The following EPHA3 variants were observed in gnomAD, a reference collection of about 807,000 sequenced individuals.
EPHA3 encodes EPH receptor A3.
Under a neutral mutation model 107.1 loss-of-function variants are expected in EPHA3, and 42 were observed. The ratio of observed to expected loss-of-function variants is 0.39; its 90% CI spans 0.31 to 0.51. EPHA3 has a LOEUF of 0.51. Ranked by LOEUF, EPHA3 falls within the 20% of genes least tolerant of loss-of-function variation. The probability of loss-of-function intolerance (pLI) is 0.78; values close to 1 mark genes in which losing one functional copy is unlikely to be tolerated. For missense variants in EPHA3, 1,183 were observed against 1,211.2 expected (o/e 0.98, Z 0.35); for synonymous variants, 461 against 424.8 (o/e 1.09, Z -1.05).
chr3:89,127,497 T>G (rs1353715496), intron 2 of EPHA3, among the ~76,000 whole-genome samples: 2 of 151,996 alleles, frequency 1.3e-5, no homozygotes, highest in Non-Finnish European at 2.9e-5. Flanking sequence ...ATTGCTTGAA[T>G]GGACTGATTA....
At chr3:89,208,399 A>AAAGGAAGGAAGGAAGGAAGGAAGG (rs11272670) in intron 2 of EPHA3, among the ~76,000 whole-genome samples, 339 of 26,820 alleles carry the variant, frequency 0.013, 84 homozygotes, top group African/African-American at 0.023. Context: ...GAAAGAAAGA[A>AAAGGAAGGAAGGAAGGAAGGAAGG]AAGGAAGGAA....
In EPHA3 at chr3:89,211,751, T is replaced by C. The variant is rs1418355022; in HGVS notation, c.814+1231T>C. Among the ~76,000 whole-genome samples the C allele has an allele frequency of 1.0e-4, 6 of 59,784 alleles. 1 individual carries two copies. In the South Asian group the frequency reaches 3.9e-3, roughly 39 times the overall value. The allele number at this position is 59,784 out of a possible 152,430, so 39.2% of individuals were successfully genotyped here. ...TTCTTCTTCTTCTTCTCCTTCTTCT[T>C]CTTCTTCTTCTTCTTCTTCTTCTTC... On this transcript the variant is annotated intron_variant, in intron 3 of 16. Transcript: ENST00000336596.
At chr3:89,259,533 G>C (rs1205874362) in intron 3 of EPHA3, among the ~76,000 whole-genome samples, 1 of 152,172 alleles carries the variant, frequency 6.6e-6, no homozygotes. Flanking sequence ...CATATTTCAA[G>C]AGAATACTGT....
intron 3 of EPHA3, among the ~76,000 whole-genome samples, chr3:89,224,883 A>AT (rs1296099245): frequency 1.3e-5 from 2 of 151,754 alleles, no homozygotes; most frequent in Non-Finnish European, 2.9e-5. Context: ...ATAAATAATA[A>AT]TAAAAAAATA....
intron 7 of EPHA3, among the ~76,000 whole-genome samples, chr3:89,404,514 A>C (rs538454862): frequency 2.6e-5 from 4 of 152,338 alleles, no homozygotes; most frequent in Non-Finnish European, 5.9e-5. Context: ...GGAAATGAAT[A>C]GAAACAGAGG....
intron 2 of EPHA3, among the ~76,000 whole-genome samples, chr3:89,181,929 G>T (rs1559588885): frequency 1.3e-5 from 2 of 151,836 alleles, no homozygotes; most frequent in Admixed American, 6.6e-5. Flanking sequence ...CGCTGGGAAG[G>T]TTGATGAAAT....
At chr3:89,155,151 A>G (rs1414587630) in intron 2 of EPHA3, among the ~76,000 whole-genome samples, 1 of 151,688 alleles carries the variant, frequency 6.6e-6, no homozygotes, top group African/African-American at 2.4e-5. Context: ...GAGTTAATAG[A>G]CTCAGAAGTG....
chr3:89,343,439 A>T (rs971635246), intron 5 of EPHA3, among the ~76,000 whole-genome samples: 1 of 152,106 alleles, frequency 6.6e-6, no homozygotes, highest in African/African-American at 2.4e-5. Flanking sequence ...TAGTCCCCTA[A>T]GCTCAGTATG....
chr3:89,339,593 C>T (rs915565249), intron 3 of EPHA3, among the ~76,000 whole-genome samples: 1 of 151,986 alleles, frequency 6.6e-6, no homozygotes, highest in African/African-American at 2.4e-5. Flanking sequence ...AGTGTATTTC[C>T]CTTGTCTTAT....
chr3:89,354,900 A>C (rs1707910996), intron 5 of EPHA3, among the ~76,000 whole-genome samples: 2 of 151,148 alleles, frequency 1.3e-5, no homozygotes, highest in African/African-American at 4.8e-5. Flanking sequence ...CTGAAGAAAG[A>C]AATATATAAA....
chr3:89,111,808 C>T (rs758457220), intron 1 of EPHA3, among the ~76,000 whole-genome samples: 1 of 152,092 alleles, frequency 6.6e-6, no homozygotes, highest in East Asian at 1.9e-4. Context: ...AAAAGGTTCA[C>T]TCGGATACCT....
chr3:89,271,548 AT>A (rs1705669066), intron 3 of EPHA3, among the ~76,000 whole-genome samples: 1 of 151,946 alleles, frequency 6.6e-6, no homozygotes, highest in African/African-American at 2.4e-5. Flanking sequence ...CTGGCTTTAT[AT>A]TCAAGTCTTC....
At chr3:89,350,688 G>A (rs9755377) in intron 5 of EPHA3, among the ~76,000 whole-genome samples, 1,667 of 150,884 alleles carry the variant, frequency 0.011, 32 homozygotes, top group African/African-American at 0.038. Context: ...AGGAGGAGAG[G>A]CGCTCTGCGT....
At chr3:89,168,183 T>C (rs1193363521) in intron 2 of EPHA3, among the ~76,000 whole-genome samples, 1 of 152,156 alleles carries the variant, frequency 6.6e-6, no homozygotes, top group Non-Finnish European at 1.5e-5. Context: ...ATAACTGCTA[T>C]TTTTGGCTTG....
chr3:89,165,559 T>C (rs529440928), intron 2 of EPHA3, among the ~76,000 whole-genome samples: 2 of 152,332 alleles, frequency 1.3e-5, no homozygotes, highest in East Asian at 3.9e-4. Context: ...CATCTCCATA[T>C]TGTAGTCAAA....
chr3:89,248,404 A>G (rs1241249151), intron 3 of EPHA3, among the ~76,000 whole-genome samples: 1 of 152,100 alleles, frequency 6.6e-6, no homozygotes, highest in Non-Finnish European at 1.5e-5. Context: ...AATCCCCACA[A>G]TTTGGGTCAA....
chr3:89,256,374 C>T (rs1705285194), intron 3 of EPHA3, among the ~76,000 whole-genome samples: 1 of 151,844 alleles, frequency 6.6e-6, no homozygotes, highest in South Asian at 2.1e-4. Context: ...AGTTCGAGAC[C>T]AGCCTGGCCA....
intron 3 of EPHA3, among the ~76,000 whole-genome samples, chr3:89,215,690 A>G (rs1368633498): frequency 6.6e-6 from 1 of 151,936 alleles, no homozygotes; most frequent in African/African-American, 2.4e-5. Context: ...AGTTCCATAA[A>G]TGTTAGTAAC....
At chr3:89,153,708 G>T (rs1476594316) in intron 2 of EPHA3, among the ~76,000 whole-genome samples, 1 of 151,992 alleles carries the variant, frequency 6.6e-6, no homozygotes, top group Non-Finnish European at 1.5e-5. Flanking sequence ...CAGGCTCCCT[G>T]CCCCTGCATG....
Sources: allele counts gnomAD v4.1 joint callset (sites outside exome capture counted in the v4.1 genomes callset), GRCh38; gene constraint gnomAD v4.1.1; transcripts MANE v1.5; gene names NCBI Gene and HGNC (gene_info 2026-07-23, HGNC 2026-07-21).